Variants in FCGR2B observed in about 807,000 individuals in gnomAD.
FCGR2B encodes the protein low affinity immunoglobulin gamma Fc region receptor II-b.
In FCGR2B, 18 loss-of-function variants were observed where a neutral mutation model predicts 24.8. The observed-to-expected ratio is 0.73, with a 90% CI of 0.50 to 1.08. FCGR2B has a LOEUF of 1.08. Ranked by LOEUF, FCGR2B falls within the 50% of genes least tolerant of loss-of-function variation. FCGR2B has a pLI of 0.00. For missense variants in FCGR2B, 215 were observed against 297.6 expected, an observed-to-expected ratio of 0.72 and a Z score of 2.04; for synonymous variants, 79 against 109.8, an observed-to-expected ratio of 0.72 and a Z score of 1.75.
chr1:161,677,336 A>T lies in FCGR2B; in HGVS notation c.826A>T (p.Thr276Ser). 1 of 1,613,806 alleles carries T rather than the reference A, an allele frequency of 6.2e-7. No homozygotes were observed. Among genetic ancestry groups the T allele is most frequent in the Non-Finnish European group, 8.5e-7 (1 of 1,179,882 alleles). The change falls in exon 7 of 8, where the codon ACT (threonine) becomes TCT (serine). Residue 276 changes from threonine to serine, a missense_variant. Thr to Ser is a moderately conservative substitution (Grantham distance 58, BLOSUM62 1). Coordinates refer to ENST00000358671, the MANE Select transcript of FCGR2B (RefSeq NM_001394477.1). ...TCTTCTTTTTCCCACAGCCAATCCC[A>T]CTAATCCTGATGAGGCTGACAAAGT... ...ETLPEKPANP[T>S]NPDEADKVGA...
At chr1:161,672,050 G>C (rs2102663540) in intron 3 of FCGR2B, 1 of 241,132 alleles carries the variant, frequency 4.1e-6, no homozygotes, top group African/African-American at 2.3e-5. Flanking sequence ...GAGGCTTCTG[G>C]TGAGAATCAG....
rs956536499 is a variant in FCGR2B at position 161,678,115 on chromosome 1, C to A, written c.*562C>A. 4.5e-6 allele frequency: 1 copy of A among 221,150 alleles called. No individual in the cohort carries two copies. The highest frequency in any genetic ancestry group is 2.2e-5 in the African/African-American group (1 of 44,572). The allele number at this position is 221,150 out of a possible 1,614,324, so 13.7% of individuals were successfully genotyped here. On this transcript the variant is annotated 3_prime_UTR_variant, in exon 8 of 8. Coordinates refer to ENST00000358671, the MANE Select transcript of FCGR2B (RefSeq NM_001394477.1). ...GAGTGTAGACTGAACTGCCTGGGGT[C>A]TGTTTCTCTTCAGTGATGAGACTCT...
chr1:161,652,230 C>T, the FCGR2B span, among the ~76,000 whole-genome samples: 2 of 133,520 alleles, frequency 1.5e-5, no homozygotes, highest in African/African-American at 5.1e-5. Flanking sequence ...ATTTCAATTA[C>T]ATATATGTTA....
chr1:161,647,728 A>G, the FCGR2B span, among the ~76,000 whole-genome samples: 1 of 150,888 alleles, frequency 6.6e-6, no homozygotes, highest in African/African-American at 2.4e-5. Flanking sequence ...AGAGATGTAT[A>G]TTGTCCACTT....
intron 2 of FCGR2B, among the ~76,000 whole-genome samples, chr1:161,670,868 G>A (rs1184427232): frequency 2.9e-5 from 4 of 138,734 alleles, no homozygotes; most frequent in Non-Finnish European, 6.3e-5. Flanking sequence ...TCTTGACCTC[G>A]TTTTTAAAGT....
chr1:161,672,945 G>A (rs770860717), intron 3 of FCGR2B, 30 bp from the exon 4 acceptor site: 42 of 1,613,138 alleles, frequency 2.6e-5, no homozygotes, highest in Admixed American at 6.7e-5. Context: ...AAGACCTCCC[G>A]GGTCCTCTGC....
chr1:161,677,037 A>G, intron 6 of FCGR2B: 1 of 472,556 alleles, frequency 2.1e-6, no homozygotes, highest in Non-Finnish European at 3.7e-6. Context: ...TCAGATCCCA[A>G]GCCTCCCTGG....
rs1482313849 is a variant in FCGR2B, at chr1:161,669,614, TAAAA to T, written c.113-637_113-634del. 1.4e-5 allele frequency among the ~76,000 whole-genome samples: 2 copies of T among 140,142 alleles called. 1 individual carries two copies. The allele number at this position is 140,142 out of a possible 152,430, so 91.9% of individuals were successfully genotyped here. A position where few individuals can be genotyped will look rare whatever the true frequency, so the allele number is the denominator to read the frequency against. ...TAAAATAAAATAAAATAAAATAAAATAAAATAAAATGACAACATAGAAACAGATT... is the reference window on the plus strand; with the variant it reads ...TAAAATAAAATAAAATAAAATAAAATTAAAATGACAACATAGAAACAGATT... On this transcript the variant is annotated intron_variant, in intron 1 of 7. Coordinates refer to ENST00000358671, the MANE Select transcript of FCGR2B (RefSeq NM_001394477.1).
At chr1:161,648,952 A>G in the FCGR2B span, among the ~76,000 whole-genome samples, 7,575 of 150,928 alleles carry the variant, frequency 0.05, 816 homozygotes, top group East Asian at 0.25. Flanking sequence ...TATACCAAAA[A>G]TATATTTTGT....
chr1:161,672,102 C>T (rs1311883037), intron 3 of FCGR2B: 10 of 200,880 alleles, frequency 5.0e-5, no homozygotes, highest in African/African-American at 7.2e-5. Context: ...CCCTTCTCCA[C>T]GTTCTCACTG....
chr1:161,650,112 A>T, the FCGR2B span, among the ~76,000 whole-genome samples: 10,313 of 148,830 alleles, frequency 0.069, 638 homozygotes, highest in East Asian at 0.15. Context: ...GGTTCAAGTG[A>T]TTCTCCTGCT....
In FCGR2B at chr1:161,669,150, G is replaced by A. The variant is rs971886969; in HGVS notation, c.113-1102G>A. On this transcript the variant is annotated intron_variant, in intron 1 of 7. Coordinates refer to ENST00000358671, the MANE Select transcript of FCGR2B (RefSeq NM_001394477.1). ...GAAGTCACAGATCTAGTGCCCTTTT[G>A]CAGTCTCTTCTTCCTTTTATCAGAT... 1.8e-4 allele frequency among the ~76,000 whole-genome samples: 25 copies of A among 141,320 alleles called. 2 individuals carry two copies. Among genetic ancestry groups the A allele is most frequent in the African/African-American group, 5.7e-4 (23 of 40,412 alleles). 92.7% of individuals were successfully genotyped at this position (141,320 alleles called of 152,430 possible).
In FCGR2B at chr1:161,677,513, C is replaced by T. The variant is rs777983386; in HGVS notation, c.893C>T (p.Pro298Leu). The T allele has an allele frequency of 1.6e-5, 26 of 1,613,928 alleles. No homozygotes were observed. The highest frequency in any genetic ancestry group is 2.2e-5 in the Non-Finnish European group (26 of 1,179,958). ...ATCACCTATTCACTTCTCATGCACCCGGATGCTCTGGAAGAGCCTGATGAC... is the reference window on the plus strand; with the variant it reads ...ATCACCTATTCACTTCTCATGCACCTGGATGCTCTGGAAGAGCCTGATGAC... Reference protein sequence around the residue: ...NTITYSLLMHPDALEEPDDQN... With the variant: ...NTITYSLLMHLDALEEPDDQN... The change falls in exon 8 of 8, where the codon CCG becomes CTG. Residue 298 changes from proline to leucine, a missense_variant. By Grantham distance (98) the Pro-to-Leu change is moderately conservative. Around this residue, in one of 5 missense-constraint regions of FCGR2B, gnomAD observed 81 missense variants for 81.6 expected, o/e 0.99. Transcript: ENST00000358671.
chr1:161,647,297 C>CTTT, the FCGR2B span, among the ~76,000 whole-genome samples: 2,765 of 122,464 alleles, frequency 0.023, 194 homozygotes, highest in African/African-American at 0.086. Context: ...GCTCTGGACT[C>CTTT]TTTTTTTTTT....
rs1030597514 is a variant in FCGR2B at position 161,672,815 on chromosome 1, A to C, written c.392-160A>C. 2.5e-6 allele frequency: 3 copies of C among 1,184,588 alleles called. No individual in the cohort carries two copies. The African/African-American group carries it at 4.7e-5, about 19-fold the overall frequency. The allele number at this position is 1,184,588 out of a possible 1,614,324, so 73.4% of individuals were successfully genotyped here. A position where few individuals can be genotyped will look rare whatever the true frequency, so the allele number is the denominator to read the frequency against. ...TCAGAAGACTTAAATTATTTGCCCA[A>C]GAGTTCATAAATGACAGAGCCAGCA... On this transcript the variant is annotated intron_variant, in intron 3 of 7. Coordinates refer to ENST00000358671, the MANE Select transcript of FCGR2B (RefSeq NM_001394477.1).
intron 4 of FCGR2B, 51 bp downstream of exon 4, chr1:161,673,280 G>C (rs1413911388): frequency 1.3e-6 from 2 of 1,594,140 alleles, no homozygotes; most frequent in East Asian, 4.5e-5. Context: ...GGATGGACAA[G>C]GGCTGAGGTC....
chr1:161,652,045 A>T, the FCGR2B span, among the ~76,000 whole-genome samples: 5 of 104,576 alleles, frequency 4.8e-5, no homozygotes, highest in Non-Finnish European at 1.1e-4. Flanking sequence ...TATGTTTAGG[A>T]GTGTGTGTGT....
chr1:161,678,613 T>G lies in FCGR2B; in HGVS notation c.*1060T>G, dbSNP rs1170749300. 1 of 206,056 alleles carries G rather than the reference T, an allele frequency of 4.9e-6. No individual in the cohort carries two copies. The highest frequency in any genetic ancestry group is 9.9e-6 in the Non-Finnish European group (1 of 100,868). The allele number at this position is 206,056 out of a possible 1,614,324, so 12.8% of individuals were successfully genotyped here. The stretch of plus-strand genomic sequence containing the variant: ...GTATTCTTGTTTCCATGTCTTCTTC[T>G]CTTTCCTCCTATGGCAAATAAAACA... On this transcript the variant is annotated 3_prime_UTR_variant, in exon 8 of 8. Transcript: ENST00000358671.
At chr1:161,649,276 G>T in the FCGR2B span, among the ~76,000 whole-genome samples, 1 of 150,866 alleles carries the variant, frequency 6.6e-6, no homozygotes, top group African/African-American at 2.5e-5. Context: ...TTACTTTTTT[G>T]CATGCTATCA....
Sources: allele counts gnomAD v4.1 joint callset (sites outside exome capture counted in the v4.1 genomes callset), GRCh38; gene constraint gnomAD v4.1.1; regional missense constraint gnomAD v4.1.1; transcripts MANE v1.5; gene names NCBI Gene and HGNC (gene_info 2026-07-23, HGNC 2026-07-21).